The following DOCK1 variants were observed in gnomAD, a reference collection of about 807,000 sequenced individuals.
DOCK1 encodes dedicator of cytokinesis 1, also known as dedicator of cytokinesis protein 1.
Under a neutral mutation model 262.7 loss-of-function variants are expected in DOCK1, and 138 were observed. That is an observed-to-expected ratio of 0.53 (90% CI 0.46 to 0.61). DOCK1 has a LOEUF of 0.61. Among genes scored for constraint, DOCK1 ranks in the 20% least tolerant of loss-of-function variants. DOCK1 has a pLI of 0.00. For synonymous variants in DOCK1, 866 were observed against 867.4 expected, an observed-to-expected ratio of 1.00 and a Z score of 0.03; for missense variants, 1,908 against 2,370.7, an observed-to-expected ratio of 0.80 and a Z score of 4.05.
At chr10:127,231,851 T>C (rs2134570645) in intron 27 of DOCK1, among the ~76,000 whole-genome samples, 1 of 152,280 alleles carries the variant, frequency 6.6e-6, no homozygotes, top group Non-Finnish European at 1.5e-5. Flanking sequence ...TCTTCATTTG[T>C]TCAAATAAAC....
chr10:127,367,968 C>G (rs910427931), intron 33 of DOCK1, among the ~76,000 whole-genome samples: 83 of 152,180 alleles, frequency 5.5e-4, no homozygotes, highest in Non-Finnish European at 1.5e-5. Context: ...GGCCCCCAGC[C>G]CTGTGGCCAC....
At position 126,963,640 on chromosome 10, in the gene DOCK1, C is replaced by CTTCCTTCCTTCCTTCCTTCCTTCCT. The variant is rs1478977215; in HGVS notation, c.47-7061_47-7060insTCCTTCCTTCCTTCCTTCCTTCCTT. ...CTTCCCTTCCCTTCCCTTCCCTTCC[C>CTTCCTTCCTTCCTTCCTTCCTTCCT]TCCTTCCTTCCTTCCTTCCTTCCTT... On this transcript the variant is annotated intron_variant, in intron 1 of 51. Transcript: ENST00000623213. Among the ~76,000 whole-genome samples, 18 of 65,136 alleles carry CTTCCTTCCTTCCTTCCTTCCTTCCT rather than the reference C, an allele frequency of 2.8e-4. 1 individual carries two copies. The highest frequency in any genetic ancestry group is 1.2e-3 in the African/African-American group (18 of 15,040). The allele number at this position is 65,136 out of a possible 152,430, so 42.7% of individuals were successfully genotyped here. A position where few individuals can be genotyped will look rare whatever the true frequency, so the allele number is the denominator to read the frequency against.
chr10:127,009,480 G>A (rs9418762), intron 11 of DOCK1, among the ~76,000 whole-genome samples: 15,732 of 152,030 alleles, frequency 0.1, 957 homozygotes, highest in Middle Eastern at 0.14. Flanking sequence ...CCCAGATGAT[G>A]GTCGTTGGCC....
At chr10:127,099,232 G>T (rs1564802016) in intron 23 of DOCK1, among the ~76,000 whole-genome samples, 1 of 152,208 alleles carries the variant, frequency 6.6e-6, no homozygotes, top group Non-Finnish European at 1.5e-5. Flanking sequence ...CAGTTTGGGA[G>T]TCATGGAGGG....
intron 1 of DOCK1, among the ~76,000 whole-genome samples, chr10:126,959,495 C>T (rs1382908031): frequency 3.3e-5 from 5 of 152,090 alleles, no homozygotes; most frequent in African/African-American, 1.2e-4. Flanking sequence ...TTCCCAGACC[C>T]CTTAGACACG....
At chr10:126,941,495 G>A (rs949631540) in intron 1 of DOCK1, among the ~76,000 whole-genome samples, 87 of 152,328 alleles carry the variant, frequency 5.7e-4, no homozygotes, top group Non-Finnish European at 8.5e-4. Flanking sequence ...AGTGGCTCAT[G>A]CCTGTAATCC....
intron 1 of DOCK1, among the ~76,000 whole-genome samples, chr10:126,918,228 G>A (rs1352913393): frequency 6.6e-6 from 1 of 152,088 alleles, no homozygotes. Flanking sequence ...AGCATGCAGC[G>A]GGGACTCCAC....
intron 29 of DOCK1, among the ~76,000 whole-genome samples, chr10:127,332,706 G>A (rs1438535273): frequency 6.6e-6 from 1 of 152,270 alleles, no homozygotes; most frequent in African/African-American, 2.4e-5. Flanking sequence ...TGATACTGGG[G>A]GACGTTCTTA....
intron 25 of DOCK1, among the ~76,000 whole-genome samples, chr10:127,123,103 C>A (rs1469587323): frequency 6.6e-6 from 1 of 152,218 alleles, no homozygotes; most frequent in Non-Finnish European, 1.5e-5. Context: ...CCAGCCTGTA[C>A]TGGCTGGTCC....
intron 1 of DOCK1, among the ~76,000 whole-genome samples, chr10:126,918,524 G>A (rs1321659715): frequency 6.6e-6 from 1 of 152,208 alleles, no homozygotes; most frequent in East Asian, 1.9e-4. Flanking sequence ...TTTCACCCTG[G>A]GGAGCTGTCC....
At chr10:127,419,273 C>T (rs1037130344) in intron 45 of DOCK1, among the ~76,000 whole-genome samples, 12 of 152,220 alleles carry the variant, frequency 7.9e-5, no homozygotes, top group African/African-American at 2.4e-4. Flanking sequence ...GATGATTACC[C>T]ACCCTTGCAC....
rs150513056 is a variant in DOCK1, at chr10:127,401,360, C to A, written c.3928-1695C>A. On this transcript the variant is annotated intron_variant, in intron 38 of 51. Coordinates refer to ENST00000623213, the MANE Select transcript of DOCK1 (RefSeq NM_001290223.2). Reference sequence around the variant, plus strand: ...AGGGGCATAACGCAGAAGAAGAGACCGAGGCAAGTTTCAGAGCAGGAGTGA... The same window carrying A: ...AGGGGCATAACGCAGAAGAAGAGACAGAGGCAAGTTTCAGAGCAGGAGTGA... Among the ~76,000 whole-genome samples, 46 of 152,200 alleles carry A rather than the reference C, an allele frequency of 3.0e-4. No homozygotes were observed. In the East Asian group the frequency reaches 8.7e-3, roughly 29 times the overall value.
chr10:127,390,102 C>T (rs1324041873), intron 38 of DOCK1, among the ~76,000 whole-genome samples: 4 of 152,102 alleles, frequency 2.6e-5, no homozygotes, highest in African/African-American at 9.7e-5. Context: ...TATAAGCTCC[C>T]TGACGCCTCC....
At chr10:127,029,210 C>T (rs904580756) in intron 16 of DOCK1, among the ~76,000 whole-genome samples, 5 of 152,240 alleles carry the variant, frequency 3.3e-5, no homozygotes, top group African/African-American at 1.2e-4. Context: ...TGTTGAGCAT[C>T]GCAGGTGCGA....
intron 31 of DOCK1, among the ~76,000 whole-genome samples, chr10:127,354,452 A>C (rs2064038021): frequency 6.6e-6 from 1 of 152,188 alleles, no homozygotes; most frequent in African/African-American, 2.4e-5. Flanking sequence ...ACCGGGGGGA[A>C]GATGTTGTGT....
chr10:127,212,007 C>T (rs771514324), intron 27 of DOCK1, among the ~76,000 whole-genome samples: 1 of 152,156 alleles, frequency 6.6e-6, no homozygotes, highest in Non-Finnish European at 1.5e-5. Context: ...TTTGAGAATA[C>T]AATGTGTTTT....
At chr10:127,334,298 T>C (rs1436664465) in intron 29 of DOCK1, among the ~76,000 whole-genome samples, 1 of 152,232 alleles carries the variant, frequency 6.6e-6, no homozygotes, top group African/African-American at 2.4e-5. Flanking sequence ...TGTGTGTATG[T>C]GTAGGCTACA....
At chr10:126,953,440 T>C (rs1202536788) in intron 1 of DOCK1, among the ~76,000 whole-genome samples, 4 of 151,852 alleles carry the variant, frequency 2.6e-5, no homozygotes, top group East Asian at 3.9e-4. Context: ...TCGGTGGTGA[T>C]GGCGGTGGAG....
intron 43 of DOCK1, among the ~76,000 whole-genome samples, chr10:127,412,846 G>T (rs535067769): frequency 2.4e-4 from 36 of 152,350 alleles, no homozygotes; most frequent in Non-Finnish European, 3.8e-4. Flanking sequence ...GGAGCTTGGA[G>T]TTGGTGAAAT....
Sources: allele counts gnomAD v4.1 joint callset (sites outside exome capture counted in the v4.1 genomes callset), GRCh38; gene constraint gnomAD v4.1.1; transcripts MANE v1.5; gene names NCBI Gene and HGNC (gene_info 2026-07-23, HGNC 2026-07-21).